Variants in AKAP13 observed in about 807,000 individuals in gnomAD.
AKAP13 encodes the protein A-kinase anchor protein 13.
Under a neutral mutation model 264.5 loss-of-function variants are expected in AKAP13, and 80 were observed. That is an observed-to-expected ratio of 0.30 (90% CI 0.25 to 0.36). The LOEUF is 0.36. Among genes scored for constraint, AKAP13 ranks in the 10% least tolerant of loss-of-function variants. The probability of loss-of-function intolerance (pLI) is 1.00; values close to 1 mark genes in which losing one functional copy is unlikely to be tolerated. For missense variants in AKAP13, 3,712 were observed against 3,435.2 expected (o/e 1.08, Z -2.01); for synonymous variants, 1,380 against 1,250.2 (o/e 1.10, Z -2.19).
At chr15:85,679,578 A>G (rs1375754294) in intron 14 of AKAP13, among the ~76,000 whole-genome samples, 1 of 152,290 alleles carries the variant, frequency 6.6e-6, no homozygotes, top group Non-Finnish European at 1.5e-5. Flanking sequence ...TTTCTCCCAA[A>G]TGTATTAACT....
chr15:85,541,204 A>C (rs910251303), intron 4 of AKAP13, among the ~76,000 whole-genome samples: 1 of 152,232 alleles, frequency 6.6e-6, no homozygotes, highest in African/African-American at 2.4e-5. Context: ...AATTGTAACT[A>C]CATATTGAAT....
At chr15:85,495,555 C>A (rs890792664) in intron 2 of AKAP13, among the ~76,000 whole-genome samples, 4 of 152,168 alleles carry the variant, frequency 2.6e-5, no homozygotes, top group African/African-American at 9.7e-5. Context: ...GAAAGCCAAA[C>A]AGCATATTTT....
At chr15:85,404,854 T>C (rs1007987399) in intron 1 of AKAP13, among the ~76,000 whole-genome samples, 1 of 152,246 alleles carries the variant, frequency 6.6e-6, no homozygotes, top group African/African-American at 2.4e-5. Context: ...GTTTGACAAA[T>C]TGTTACTATC....
intron 1 of AKAP13, among the ~76,000 whole-genome samples, chr15:85,442,953 G>A (rs775108071): frequency 2.1e-4 from 32 of 152,070 alleles, no homozygotes; most frequent in Non-Finnish European, 3.7e-4. Flanking sequence ...TGAAAAATTT[G>A]TTTCCTCTCT....
At chr15:85,733,692 C>T (rs1169019625) in intron 30 of AKAP13, among the ~76,000 whole-genome samples, 1 of 151,842 alleles carries the variant, frequency 6.6e-6, no homozygotes, top group Non-Finnish European at 1.5e-5. Flanking sequence ...CTTCCTTTCA[C>T]CTTCTTTTTT....
intron 18 of AKAP13, among the ~76,000 whole-genome samples, chr15:85,709,612 T>C (rs1227072594): frequency 6.6e-6 from 1 of 152,194 alleles, no homozygotes; most frequent in Admixed American, 6.5e-5. Flanking sequence ...ATGATCATGA[T>C]AGAGACATAG....
chr15:85,724,770 T>C lies in AKAP13; in HGVS notation c.6745+1450T>C, dbSNP rs1162736085. ...GGAGTGAAGAGAGACTGGTGACAGA[T>C]AAGAGACTGTGCAGTGCTTTGGGGA... On this transcript the variant is annotated intron_variant, in intron 26 of 36. Coordinates refer to ENST00000394518, the MANE Select transcript of AKAP13 (RefSeq NM_007200.5). The surrounding 1 kb of genome is among the most constrained non-coding windows in gnomAD (Gnocchi z 4.2). Among the ~76,000 whole-genome samples the C allele has an allele frequency of 3.3e-5, 5 of 151,868 alleles. No individual in the cohort carries two copies. The highest frequency in any genetic ancestry group is 1.2e-4 in the African/African-American group (5 of 41,314).
intron 2 of AKAP13, among the ~76,000 whole-genome samples, chr15:85,519,808 T>A (rs944542705): frequency 1.3e-5 from 2 of 152,226 alleles, no homozygotes; most frequent in African/African-American, 4.8e-5. Flanking sequence ...TTTTGCTTTT[T>A]AGTGTTTAGT....
intron 1 of AKAP13, among the ~76,000 whole-genome samples, chr15:85,391,129 A>G (rs2070834199): frequency 6.6e-6 from 1 of 152,232 alleles, no homozygotes; most frequent in Non-Finnish European, 1.5e-5. Flanking sequence ...AACCACCACT[A>G]TGTATAGTAA....
chr15:85,485,016 C>A (rs2151056211), intron 1 of AKAP13, among the ~76,000 whole-genome samples: 1 of 152,288 alleles, frequency 6.6e-6, no homozygotes, highest in South Asian at 2.1e-4. Flanking sequence ...AGGACCTACC[C>A]TTCTGAGCAT....
intron 1 of AKAP13, among the ~76,000 whole-genome samples, chr15:85,449,986 A>G: frequency 6.6e-6 from 1 of 152,058 alleles, no homozygotes; most frequent in East Asian, 1.9e-4. Flanking sequence ...AGTTTCTGTA[A>G]GAATGGTACC....
At chr15:85,606,268 A>G (rs911625299) in intron 8 of AKAP13, among the ~76,000 whole-genome samples, 4 of 151,440 alleles carry the variant, frequency 2.6e-5, no homozygotes, top group Non-Finnish European at 1.5e-5. Flanking sequence ...CGCCCAGCTG[A>G]TTTTTGTATT....
chr15:85,639,806 A>T (rs2082224318), intron 9 of AKAP13, among the ~76,000 whole-genome samples: 1 of 152,216 alleles, frequency 6.6e-6, no homozygotes, highest in South Asian at 2.1e-4. Context: ...ATCTGGCTGA[A>T]CAAGCTTTAA....
intron 10 of AKAP13, among the ~76,000 whole-genome samples, chr15:85,646,929 C>T (rs916653400): frequency 1.3e-5 from 2 of 152,196 alleles, no homozygotes; most frequent in Non-Finnish European, 2.9e-5. Flanking sequence ...GCAAATGCTA[C>T]TCAATTATAT....
intron 8 of AKAP13, among the ~76,000 whole-genome samples, chr15:85,615,074 C>G (rs961008142): frequency 6.6e-6 from 1 of 152,164 alleles, no homozygotes; most frequent in Admixed American, 6.5e-5. Context: ...TGTGTATGAT[C>G]CATGAGACCT....
At chr15:85,553,899 C>A (rs748400498) in intron 5 of AKAP13, among the ~76,000 whole-genome samples, 12 of 152,156 alleles carry the variant, frequency 7.9e-5, no homozygotes, top group Admixed American at 2.0e-4. Flanking sequence ...TTATGAGAAT[C>A]TAATGCCTGA....
At chr15:85,664,809 A>C (rs1481075155) in intron 13 of AKAP13, 54 bp downstream of exon 13, 35 of 1,535,708 alleles carry the variant, frequency 2.3e-5, no homozygotes, top group Non-Finnish European at 3.1e-5. Context: ...AAATATGAAC[A>C]TAGAAGGCAA....
At chr15:85,392,576 C>CT (rs1408731696) in intron 1 of AKAP13, among the ~76,000 whole-genome samples, 12 of 151,876 alleles carry the variant, frequency 7.9e-5, no homozygotes, top group South Asian at 6.3e-4. Context: ...TATTTTCTTT[C>CT]TTTTTTTTGT....
intron 2 of AKAP13, among the ~76,000 whole-genome samples, chr15:85,490,142 G>T (rs1000703699): frequency 5.3e-5 from 8 of 152,188 alleles, no homozygotes; most frequent in Non-Finnish European, 1.0e-4. Flanking sequence ...TATCCTTCTT[G>T]GTATGAGGGC....
Sources: gnomAD v4.1 joint callset for allele counts (sites outside exome capture counted in the v4.1 genomes callset) on GRCh38, gnomAD v4.1.1 for gene constraint, Gnocchi (gnomAD v3.1) non-coding constraint, MANE v1.5 for transcripts, NCBI Gene and HGNC (gene_info 2026-07-23, HGNC 2026-07-21) for gene names.